The following GPR39 variants were observed in gnomAD, a reference collection of about 807,000 sequenced individuals.
GPR39 encodes the protein G protein-coupled receptor 39, also known as zinc sensing receptor.
A neutral mutation model predicts 18.4 loss-of-function variants in GPR39; 23 were observed. The observed-to-expected ratio is 1.25, with a 90% CI of 0.90 to 1.77. The LOEUF (loss-of-function observed/expected upper bound fraction) is 1.77, where lower values mean the gene tolerates loss of function less well. Ranked by LOEUF, GPR39 falls within the 40% of genes most tolerant of loss-of-function variation. GPR39 has a pLI of 0.00. For synonymous variants in GPR39, 280 were observed against 257.9 expected (o/e 1.09, Z -0.82); for missense variants, 647 against 602.4 (o/e 1.07, Z -0.78).
chr2:132,547,601 G>C (rs1485880514), intron 1 of GPR39, among the ~76,000 whole-genome samples: 1 of 152,174 alleles, frequency 6.6e-6, no homozygotes, highest in Admixed American at 6.5e-5. Flanking sequence ...GGATTAGGAA[G>C]TCAGCTTTAT....
At chr2:132,615,909 C>T (rs1022969012) in intron 1 of GPR39, among the ~76,000 whole-genome samples, 1 of 150,756 alleles carries the variant, frequency 6.6e-6, no homozygotes, top group Non-Finnish European at 1.5e-5. Context: ...GCACTGCACA[C>T]CTGGCTTGTC....
chr2:132,606,716 C>A (rs962426366), intron 1 of GPR39, among the ~76,000 whole-genome samples: 28 of 152,260 alleles, frequency 1.8e-4, no homozygotes, highest in African/African-American at 6.3e-4. Context: ...TTAGATCACA[C>A]GAGGGCTTAG....
At chr2:132,550,864 G>T (rs3109138) in intron 1 of GPR39, among the ~76,000 whole-genome samples, 10,010 of 152,194 alleles carry the variant, frequency 0.066, 540 homozygotes, top group African/African-American at 0.15. Context: ...GGCTGTTTTG[G>T]TGAATTTTAA....
At chr2:132,458,511 T>G (rs1225411263) in intron 1 of GPR39, among the ~76,000 whole-genome samples, 1 of 150,554 alleles carries the variant, frequency 6.6e-6, no homozygotes, top group African/African-American at 2.4e-5. Flanking sequence ...CTTCATTAAG[T>G]TTTTCAAAAA....
At chr2:132,553,373 A>G (rs1369957634) in intron 1 of GPR39, among the ~76,000 whole-genome samples, 2 of 149,016 alleles carry the variant, frequency 1.3e-5, no homozygotes, top group Non-Finnish European at 3.0e-5. Flanking sequence ...ATATGTATAT[A>G]TGTGTGTATA....
At chr2:132,460,071 T>C (rs1680803947) in intron 1 of GPR39, among the ~76,000 whole-genome samples, 1 of 152,178 alleles carries the variant, frequency 6.6e-6, no homozygotes, top group Admixed American at 6.5e-5. Flanking sequence ...AAATTTGGGA[T>C]TTTAGGGTAA....
intron 1 of GPR39, among the ~76,000 whole-genome samples, chr2:132,419,231 C>T (rs1679964857): frequency 6.6e-6 from 1 of 152,206 alleles, no homozygotes; most frequent in African/African-American, 2.4e-5. Flanking sequence ...TCTGTGTCTG[C>T]ACAAAATGAG....
intron 1 of GPR39, among the ~76,000 whole-genome samples, chr2:132,426,750 C>T (rs1205173102): frequency 6.6e-6 from 1 of 152,164 alleles, no homozygotes; most frequent in Non-Finnish European, 1.5e-5. Context: ...AACACTCAGG[C>T]CACTGCTTTG....
chr2:132,505,198 A>G (rs905017178), intron 1 of GPR39, among the ~76,000 whole-genome samples: 1 of 152,198 alleles, frequency 6.6e-6, no homozygotes, highest in African/African-American at 2.4e-5. Flanking sequence ...AGGGCATCAC[A>G]ATGGTGAGAG....
chr2:132,640,525 C>T (rs1265982104), intron 1 of GPR39, among the ~76,000 whole-genome samples: 2 of 152,186 alleles, frequency 1.3e-5, no homozygotes, highest in East Asian at 1.9e-4. Context: ...AAACAGTTTA[C>T]CTGCTTTACA....
At chr2:132,495,452 C>T (rs186297642) in intron 1 of GPR39, among the ~76,000 whole-genome samples, 2 of 152,282 alleles carry the variant, frequency 1.3e-5, no homozygotes, top group East Asian at 1.9e-4. Context: ...AAGGTCATAA[C>T]AGGTTGGACT....
chr2:132,600,031 C>T (rs562549098), intron 1 of GPR39, among the ~76,000 whole-genome samples: 2 of 152,120 alleles, frequency 1.3e-5, no homozygotes, highest in Non-Finnish European at 2.9e-5. Flanking sequence ...CAAAGGGGGC[C>T]CATCCATGCT....
chr2:132,445,414 A>G lies in GPR39; in HGVS notation c.856+27516A>G, dbSNP rs545319984. ...AGTCTTATCACTCTTTAAAACCCCT[A>G]CTGACTTATTTCCATGATGCAAGCA... On this transcript the variant is annotated intron_variant, in intron 1 of 1. Coordinates refer to ENST00000329321, the MANE Select transcript of GPR39 (RefSeq NM_001508.3). Among the ~76,000 whole-genome samples, 7 of 152,308 alleles carry G rather than the reference A, an allele frequency of 4.6e-5. No individual in the cohort carries two copies. The South Asian group carries it at 1.4e-3, about 32-fold the overall frequency.
intron 1 of GPR39, among the ~76,000 whole-genome samples, chr2:132,444,280 G>A (rs1490177859): frequency 2.6e-5 from 4 of 151,760 alleles, no homozygotes; most frequent in African/African-American, 9.7e-5. Flanking sequence ...TAAATTACTA[G>A]TCTATGGCAT....
intron 1 of GPR39, among the ~76,000 whole-genome samples, chr2:132,476,481 C>T (rs936414211): frequency 1.3e-5 from 2 of 151,352 alleles, no homozygotes; most frequent in Non-Finnish European, 2.9e-5. Context: ...ACTAAAAATA[C>T]AAAAATTAGC....
At chr2:132,637,041 G>C (rs1681774280) in intron 1 of GPR39, among the ~76,000 whole-genome samples, 1 of 152,160 alleles carries the variant, frequency 6.6e-6, no homozygotes, top group East Asian at 1.9e-4. Flanking sequence ...ATTGAGAATA[G>C]ATTGCATAGA....
In GPR39 at chr2:132,438,143, T is replaced by C. The variant is rs545987132; in HGVS notation, c.856+20245T>C. ...TTTAATCTGAAGCAGGTATTTTCAG[T>C]TCCTGACTGGAAGGATCATGGGTCA... On this transcript the variant is annotated intron_variant, in intron 1 of 1. Transcript: ENST00000329321. 2.6e-5 allele frequency among the ~76,000 whole-genome samples: 4 copies of C among 152,320 alleles called. No individual in the cohort carries two copies. In the East Asian group the frequency reaches 7.7e-4, roughly 29 times the overall value.
chr2:132,479,343 T>C (rs1359590363), intron 1 of GPR39, among the ~76,000 whole-genome samples: 1 of 152,186 alleles, frequency 6.6e-6, no homozygotes, highest in Non-Finnish European at 1.5e-5. Context: ...GGTAGACTTC[T>C]GGCTGTGAAA....
At chr2:132,604,327 T>C (rs370636800) in intron 1 of GPR39, 1 of 152,204 alleles carries the variant, frequency 6.6e-6, no homozygotes, top group South Asian at 2.1e-4. Flanking sequence ...TTGTTTAAAC[T>C]ACCGAAGCTC....
Sources: allele counts gnomAD v4.1 joint callset (sites outside exome capture counted in the v4.1 genomes callset), GRCh38; gene constraint gnomAD v4.1.1; transcripts MANE v1.5; gene names NCBI Gene and HGNC (gene_info 2026-07-23, HGNC 2026-07-21).